Variants in PDE4D observed in about 807,000 individuals in gnomAD.
PDE4D encodes the protein 3',5'-cyclic-AMP phosphodiesterase 4D.
In PDE4D, 24 loss-of-function variants were observed where a neutral mutation model predicts 87.4. The ratio of observed to expected loss-of-function variants is 0.27; its 90% CI spans 0.20 to 0.39. The LOEUF (loss-of-function observed/expected upper bound fraction) is 0.39. PDE4D is among the 10% of genes least tolerant of loss of function. The pLI, the probability that PDE4D is intolerant of heterozygous loss-of-function variation, is 1.00. For missense variants in PDE4D, 714 were observed against 1,041.0 expected, an observed-to-expected ratio of 0.69 and a Z score of 4.32; for synonymous variants, 384 against 383.2, an observed-to-expected ratio of 1.00 and a Z score of -0.02.
intron 2 of PDE4D, among the ~76,000 whole-genome samples, chr5:59,201,606 T>A (rs1482044397): frequency 6.6e-6 from 1 of 152,210 alleles, no homozygotes; most frequent in Non-Finnish European, 1.5e-5. Flanking sequence ...TTAGACATAC[T>A]TGAGGATATG....
intron 5 of PDE4D, among the ~76,000 whole-genome samples, chr5:59,173,092 T>C (rs1436120643): frequency 6.6e-6 from 1 of 152,152 alleles, no homozygotes; most frequent in Non-Finnish European, 1.5e-5. Context: ...ATATGCTAGC[T>C]CATCACCTTT....
chr5:59,535,307 TC>T (rs1308082347), intron 1 of PDE4D, among the ~76,000 whole-genome samples: 1 of 152,212 alleles, frequency 6.6e-6, no homozygotes, highest in Non-Finnish European at 1.5e-5. Context: ...ATGTCATTTT[TC>T]TGGGTGTCTG....
chr5:59,008,698 A>T (rs572227966), intron 6 of PDE4D, among the ~76,000 whole-genome samples: 2 of 152,090 alleles, frequency 1.3e-5, no homozygotes, highest in African/African-American at 4.8e-5. Flanking sequence ...CTTAAACCAC[A>T]AAAGCATGAA....
rs1028110614 is a variant in PDE4D at position 59,938,808 on chromosome 5, C to A, written c.272+49680G>T. On this transcript the variant is annotated intron_variant, in intron 3 of 16. Transcript: ENST00000502484. ...ATATCCTCTTGAATTTTTCTGTCAG[C>A]CCTTCAGATTCAATTTTAACTTTAA... 2.0e-5 allele frequency among the ~76,000 whole-genome samples: 3 copies of A among 152,186 alleles called. No homozygotes were observed. The East Asian group carries it at 5.8e-4, about 29-fold the overall frequency.
At chr5:59,771,454 A>AAAGAAAGAAAGAAAGAAAGAGAGAG (rs1763454801) in intron 1 of PDE4D, among the ~76,000 whole-genome samples, 30 of 77,774 alleles carry the variant, frequency 3.9e-4, no homozygotes, top group African/African-American at 1.7e-3. Flanking sequence ...AGAAAGAAAG[A>AAAGAAAGAAAGAAAGAAAGAGAGAG]AAGAAAGAAA....
rs1269807409 is a variant in PDE4D, at chr5:59,386,631, C to G, written c.456-170663G>C. 3.9e-5 allele frequency among the ~76,000 whole-genome samples: 5 copies of G among 126,772 alleles called. No individual in the cohort carries two copies. The East Asian group carries it at 1.3e-3, about 34-fold the overall frequency. The allele number at this position is 126,772 out of a possible 152,430, so 83.2% of individuals were successfully genotyped here. ...AGGTACTCCAGCCTGGGGCACAAAG[C>G]AGGACCTTGTCAAGAAAGAAAGAAA... On this transcript the variant is annotated intron_variant, in intron 1 of 14. Transcript: ENST00000340635.
chr5:59,621,346 G>A (rs1226629023), intron 1 of PDE4D, among the ~76,000 whole-genome samples: 1 of 152,172 alleles, frequency 6.6e-6, no homozygotes, highest in African/African-American at 2.4e-5. Context: ...TTCCTGGAGT[G>A]AGCACCTTCA....
At chr5:60,474,848 G>A (rs75346571) in intron 1 of PDE4D, among the ~76,000 whole-genome samples, 4,159 of 152,230 alleles carry the variant, frequency 0.027, 89 homozygotes, top group Middle Eastern at 0.086. Flanking sequence ...AGGTCAGTTT[G>A]TCACACCCTG....
chr5:60,442,860 G>A (rs1056060357), intron 1 of PDE4D, among the ~76,000 whole-genome samples: 16 of 152,006 alleles, frequency 1.1e-4, no homozygotes, highest in African/African-American at 1.5e-4. Context: ...TAAATTATAC[G>A]GAATTTCTAT....
chr5:59,714,232 A>G (rs1754658324), intron 1 of PDE4D, among the ~76,000 whole-genome samples: 1 of 152,174 alleles, frequency 6.6e-6, no homozygotes, highest in Non-Finnish European at 1.5e-5. Context: ...CAGCCCAATG[A>G]AGTACTCTTA....
intron 1 of PDE4D, among the ~76,000 whole-genome samples, chr5:59,741,758 T>C (rs1170891449): frequency 6.6e-6 from 1 of 152,126 alleles, no homozygotes; most frequent in East Asian, 1.9e-4. Context: ...AACTAAACAT[T>C]CTCTTAGTAA....
chr5:59,175,024 C>A (rs1041899143), intron 5 of PDE4D, among the ~76,000 whole-genome samples: 2 of 152,158 alleles, frequency 1.3e-5, no homozygotes, highest in African/African-American at 4.8e-5. Flanking sequence ...GAGATGGCTG[C>A]AGAATGCTTG....
At chr5:60,025,770 T>G (rs1766559141) in intron 2 of PDE4D, among the ~76,000 whole-genome samples, 2 of 152,050 alleles carry the variant, frequency 1.3e-5, no homozygotes, top group Non-Finnish European at 2.9e-5. Context: ...CCCTAAATAT[T>G]AATCACTTAA....
At chr5:60,329,248 TG>T (rs1176500379) in intron 1 of PDE4D, among the ~76,000 whole-genome samples, 12 of 152,178 alleles carry the variant, frequency 7.9e-5, no homozygotes, top group Non-Finnish European at 1.0e-4. Context: ...GAATCATGGG[TG>T]GGGGGTTACT....
intron 1 of PDE4D, among the ~76,000 whole-genome samples, chr5:59,810,373 T>C (rs1768215325): frequency 1.3e-5 from 2 of 152,240 alleles, no homozygotes; most frequent in African/African-American, 4.8e-5. Flanking sequence ...CATTTTTACG[T>C]ATTTGAATTT....
chr5:59,180,852 T>G (rs548085303), intron 4 of PDE4D, among the ~76,000 whole-genome samples: 15 of 152,214 alleles, frequency 9.9e-5, no homozygotes, highest in South Asian at 2.1e-4. Context: ...AGAAAACTGG[T>G]AAATCTCACA....
At chr5:60,175,777 G>A (rs138559298) in intron 2 of PDE4D, among the ~76,000 whole-genome samples, 15 of 152,216 alleles carry the variant, frequency 9.9e-5, no homozygotes, top group Non-Finnish European at 2.1e-4. Context: ...CTCAGTCTTA[G>A]GTAGGTAATG....
intron 5 of PDE4D, among the ~76,000 whole-genome samples, chr5:59,177,339 C>T (rs1400740232): frequency 6.6e-6 from 1 of 152,190 alleles, no homozygotes; most frequent in Non-Finnish European, 1.5e-5. Flanking sequence ...GTCTATGGTA[C>T]TTTGTTATGG....
chr5:59,821,156 C>T (rs1306275227), intron 1 of PDE4D, among the ~76,000 whole-genome samples: 2 of 151,996 alleles, frequency 1.3e-5, no homozygotes, highest in Non-Finnish European at 2.9e-5. Flanking sequence ...TCACTTGAAC[C>T]CAGGAGGCGG....
Sources: allele counts gnomAD v4.1 joint callset (sites outside exome capture counted in the v4.1 genomes callset), GRCh38; gene constraint gnomAD v4.1.1; transcripts MANE v1.5; gene names NCBI Gene and HGNC (gene_info 2026-07-23, HGNC 2026-07-21).